The following ALPP variants were observed in gnomAD, a reference collection of about 807,000 sequenced individuals.
The protein encoded by ALPP is alkaline phosphatase, placental.
A neutral mutation model predicts 50.7 loss-of-function variants in ALPP; 39 were observed. The observed-to-expected ratio is 0.77, with a 90% CI of 0.60 to 1.00. The LOEUF (loss-of-function observed/expected upper bound fraction) is 1.00. Among genes scored for constraint, ALPP ranks in the 50% least tolerant of loss-of-function variants. The pLI is 0.00. For synonymous variants in ALPP, 226 were observed against 320.3 expected (o/e 0.71, Z 3.14); for missense variants, 550 against 746.8 (o/e 0.74, Z 3.07).
chr2:232,379,273 A>G lies in ALPP; in HGVS notation c.267A>G (p.Ile89Met), dbSNP rs202021009. Residue 89 changes from isoleucine (I) to methionine (M), a missense_variant, in exon 3 of 11, where the codon ATA (isoleucine) becomes ATG (methionine). By Grantham distance (10) the Ile-to-Met change is conservative (BLOSUM62 1). Coordinates refer to ENST00000392027, the MANE Select transcript of ALPP (RefSeq NM_001632.5). ...GQKKDKLGPE[I>M]PLAMDRFPYV... ...AGAAGGACAAACTGGGGCCTGAGAT[A>G]CCCCTGGCCATGGACCGCTTCCCAT... 1.8e-5 allele frequency: 29 copies of G among 1,613,778 alleles called. No homozygotes were observed. The highest frequency in any genetic ancestry group is 4.2e-6 in the Non-Finnish European group (5 of 1,180,004).
In ALPP at chr2:232,378,894, G is replaced by A. The variant is rs570495003; in HGVS notation, c.76+16G>A. On this transcript the variant is annotated intron_variant, in intron 1 of 10. Transcript: ENST00000392027. ...ATCATCCCAGGTAATGAGGCTCCCC[G>A]AGCTGCCCCTACACAACACACACAC... 3.2e-5 allele frequency: 52 copies of A among 1,612,444 alleles called. 1 individual carries two copies. The highest frequency in any genetic ancestry group is 5.0e-5 in the Admixed American group (3 of 59,942).
chr2:232,379,463 G>C, intron 3 of ALPP, 50 bp from the exon 4 acceptor site: 2 of 1,609,656 alleles, frequency 1.2e-6, no homozygotes, highest in Non-Finnish European at 1.7e-6. Context: ...ATCAGGGTCT[G>C]GGTCTCCGTG....
At chr2:232,379,961 G>A (rs368860764) in intron 5 of ALPP, 25 bp downstream of exon 5, 2 of 1,589,542 alleles carry the variant, frequency 1.3e-6, no homozygotes, top group Non-Finnish European at 1.7e-6. Context: ...CCAAGGGCTG[G>A]GGCTGGGCAG....
rs1049005 is a variant in ALPP at position 232,381,942 on chromosome 2, G to A, written c.*147G>A. 3.1e-5 allele frequency: 40 copies of A among 1,294,332 alleles called. No homozygotes were observed. Among genetic ancestry groups the A allele is most frequent in the Admixed American group, 8.0e-5 (3 of 37,554 alleles). The allele number at this position is 1,294,332 out of a possible 1,614,324, so 80.2% of individuals were successfully genotyped here. A position where few individuals can be genotyped will look rare whatever the true frequency, so the allele number is the denominator to read the frequency against. ...CCATGGAACCTTCCCCTCCCCGTGCGCTCTGGGGACTGAGCCCATGACACC... is the reference window on the plus strand; with the variant it reads ...CCATGGAACCTTCCCCTCCCCGTGCACTCTGGGGACTGAGCCCATGACACC... On this transcript the variant is annotated 3_prime_UTR_variant, in exon 11 of 11. Coordinates refer to ENST00000392027, the MANE Select transcript of ALPP (RefSeq NM_001632.5).
chr2:232,381,905 A>C lies in ALPP; in HGVS notation c.*110A>C. Reference sequence around the variant, plus strand: ...GAGTCGTCATCCCCGGAGTCCCTATACAGAGGTCCTGCCATGGAACCTTCC... The same window carrying C: ...GAGTCGTCATCCCCGGAGTCCCTATCCAGAGGTCCTGCCATGGAACCTTCC... On this transcript the variant is annotated 3_prime_UTR_variant, in exon 11 of 11. Coordinates refer to ENST00000392027, the MANE Select transcript of ALPP (RefSeq NM_001632.5). 1 of 1,445,394 alleles carries C rather than the reference A, an allele frequency of 6.9e-7. No homozygotes were observed. Among genetic ancestry groups the C allele is most frequent in the Non-Finnish European group, 9.1e-7 (1 of 1,095,600 alleles). 89.5% of individuals were successfully genotyped at this position (1,445,394 alleles called of 1,614,324 possible). A position where few individuals can be genotyped will look rare whatever the true frequency, so the allele number is the denominator to read the frequency against.
intron 5 of ALPP, 82 bp downstream of exon 5, chr2:232,380,018 C>T: frequency 6.4e-7 from 1 of 1,561,992 alleles, no homozygotes; most frequent in African/African-American, 1.4e-5. Context: ...CAACCAAAAG[C>T]CTTATCTGGG....
At position 232,378,986 on chromosome 2, in the gene ALPP, C is replaced by T. The variant is rs752156250; in HGVS notation, c.92C>T (p.Pro31Leu). 152 of 1,613,994 alleles carry T rather than the reference C, an allele frequency of 9.4e-5. No homozygotes were observed. The highest frequency in any genetic ancestry group is 3.1e-4 in the South Asian group (28 of 91,066). ...CCCTGGCCAGTTGAGGAGGAGAACC[C>T]GGACTTCTGGAACCGCGAGGCAGCC... ...LGIIPVEEEN[P>L]DFWNREAAEA... The change falls in exon 2 of 11, where the codon CCG becomes CTG. Residue 31 changes from proline (P) to leucine (L), a missense_variant. Physicochemically the swap from Pro to Leu is moderately conservative, Grantham distance 98. Around this residue, in one of 5 missense-constraint regions of ALPP, gnomAD observed 376 missense variants for 388.5 expected, o/e 0.97. Transcript: ENST00000392027.
rs776177204 is a variant in ALPP, at chr2:232,379,465, G to A, written c.310-48G>A. The stretch of plus-strand genomic sequence containing the variant: ...CCAGAGGACAGAGATCAGGGTCTGG[G>A]TCTCCGTGTCTGCCCCAGAGAAGAG... On this transcript the variant is annotated intron_variant, in intron 3 of 10. Transcript: ENST00000392027. 19 of 1,610,210 alleles carry A rather than the reference G, an allele frequency of 1.2e-5. No homozygotes were observed. The Admixed American group carries it at 3.2e-4, about 27-fold the overall frequency.
Position 232,379,783 on chromosome 2 carries a change from A to G in ALPP, c.504A>G (p.Val168=), listed in dbSNP as rs367631776. 17 of 1,613,802 alleles carry G rather than the reference A, an allele frequency of 1.1e-5. No individual in the cohort carries two copies. In the African/African-American group the frequency reaches 1.7e-4, roughly 16 times the overall value. Residue 168 remains valine, a synonymous_variant, in exon 5 of 11, where the codon GTA becomes GTG. Coordinates refer to ENST00000392027, the MANE Select transcript of ALPP (RefSeq NM_001632.5). ...CCTTAGGGAAGTCAGTGGGAGTGGTAACCACCACACGAGTGCAGCACGCCT... is the reference window on the plus strand; with the variant it reads ...CCTTAGGGAAGTCAGTGGGAGTGGTGACCACCACACGAGTGCAGCACGCCT... ...AKKAGKSVGV[V]TTTRVQHASP...
At position 232,381,706 on chromosome 2, in the gene ALPP, G is replaced by A. The variant is rs1696718566; in HGVS notation, c.1519G>A (p.Ala507Thr). Residue 507 changes from alanine (A) to threonine (T), a missense_variant, in exon 11 of 11, where the codon GCC becomes ACC. Coordinates refer to ENST00000392027, the MANE Select transcript of ALPP (RefSeq NM_001632.5). ...GGCGCCCCCCGCCGGCACCACCGAC[G>A]CCGCGCACCCGGGGCGGTCCGTGGT... is the stretch of plus-strand genomic sequence containing the variant. ...DLAPPAGTTD[A>T]AHPGRSVVPA... 2 of 1,606,676 alleles carry A rather than the reference G, an allele frequency of 1.2e-6. No individual in the cohort carries two copies. Among genetic ancestry groups the A allele is most frequent in the Non-Finnish European group, 1.7e-6 (2 of 1,177,674 alleles).
In ALPP at chr2:232,378,870, T is replaced by C; in HGVS notation, c.68T>C (p.Ile23Thr). 1 of 1,613,850 alleles carries C rather than the reference T, an allele frequency of 6.2e-7. No individual in the cohort carries two copies. Among genetic ancestry groups the C allele is most frequent in the Non-Finnish European group, 8.5e-7 (1 of 1,179,980 alleles). The change falls in exon 1 of 11, where the codon ATC (isoleucine) becomes ACC (threonine). Residue 23 changes from isoleucine (I) to threonine (T), a missense_variant. Ile to Thr is a moderately conservative substitution (Grantham distance 89, BLOSUM62 -1). This residue lies in a region of ALPP where 376 missense variants were observed against 388.5 expected (regional missense o/e 0.97). Coordinates refer to ENST00000392027, the MANE Select transcript of ALPP (RefSeq NM_001632.5). ...CTGAGGCTACAGCTCTCCCTGGGCATCATCCCAGGTAATGAGGCTCCCCGA... is the reference window on the plus strand; with the variant it reads ...CTGAGGCTACAGCTCTCCCTGGGCACCATCCCAGGTAATGAGGCTCCCCGA... ...LGLRLQLSLGIIPVEEENPDF... is the reference protein window; with the variant it reads ...LGLRLQLSLGTIPVEEENPDF...
rs2106379973 is a variant in ALPP, at chr2:232,382,180, C to T, written c.*385C>T. 1 of 280,976 alleles carries T rather than the reference C, an allele frequency of 3.6e-6. No homozygotes were observed. Among genetic ancestry groups the T allele is most frequent in the Middle Eastern group, 1.1e-3 (1 of 870 alleles). The allele number at this position is 280,976 out of a possible 1,614,324, so 17.4% of individuals were successfully genotyped here. A position where few individuals can be genotyped will look rare whatever the true frequency, so the allele number is the denominator to read the frequency against. On this transcript the variant is annotated 3_prime_UTR_variant, in exon 11 of 11. Transcript: ENST00000392027. ...ATCTTTGCTTCAGTCCTTGAATCAC[C>T]TGTGGGACTTGAGGACTCGGGATCT...
rs1559237492 is a variant in ALPP at position 232,380,335 on chromosome 2, CG to C, written c.792+18del. ...CGAAGCGCCAGGTGATGGGGGCTGG[CG>C]GGTGCAGGGGGCACAGCAGGGGGAG... On this transcript the variant is annotated intron_variant, in intron 6 of 10. Coordinates refer to ENST00000392027, the MANE Select transcript of ALPP (RefSeq NM_001632.5). 3 of 1,590,208 alleles carry C rather than the reference CG, an allele frequency of 1.9e-6. No homozygotes were observed. Among genetic ancestry groups the C allele is most frequent in the African/African-American group, 1.4e-5 (1 of 70,998 alleles).
In ALPP at chr2:232,382,035, G is replaced by A; in HGVS notation, c.*240G>A. On this transcript the variant is annotated 3_prime_UTR_variant, in exon 11 of 11. Transcript: ENST00000392027. ...CAGGGACTGCAGGTTGTGCCCTGTGGCTGCCTGCACCCCAGGAAAGGAGGG... is the reference window on the plus strand; with the variant it reads ...CAGGGACTGCAGGTTGTGCCCTGTGACTGCCTGCACCCCAGGAAAGGAGGG... 1.5e-6 allele frequency: 1 copy of A among 687,642 alleles called. No homozygotes were observed. The highest frequency in any genetic ancestry group is 2.4e-6 in the Non-Finnish European group (1 of 422,060). 42.6% of individuals were successfully genotyped at this position (687,642 alleles called of 1,614,324 possible). A position where few individuals can be genotyped will look rare whatever the true frequency, so the allele number is the denominator to read the frequency against.
chr2:232,380,131 G>T (rs1190794844), intron 5 of ALPP, 55 bp from the exon 6 acceptor site: 54 of 1,612,566 alleles, frequency 3.3e-5, no homozygotes, highest in Non-Finnish European at 1.8e-5. Context: ...GCATGAGGAG[G>T]GGGCACGGGG....
At position 232,381,859 on chromosome 2, in the gene ALPP, G is replaced by A. The variant is rs1054838684; in HGVS notation, c.*64G>A. On this transcript the variant is annotated 3_prime_UTR_variant, in exon 11 of 11. Coordinates refer to ENST00000392027, the MANE Select transcript of ALPP (RefSeq NM_001632.5). ...GTTCTCCTGCTCCCCACCTCCTGTCGTCCTGCCTGGCCTCCAGCCCGAGTC... is the reference window on the plus strand; with the variant it reads ...GTTCTCCTGCTCCCCACCTCCTGTCATCCTGCCTGGCCTCCAGCCCGAGTC... The A allele has an allele frequency of 7.3e-6, 11 of 1,503,244 alleles. No homozygotes were observed. Among genetic ancestry groups the A allele is most frequent in the Admixed American group, 2.1e-5 (1 of 48,104 alleles). The allele number at this position is 1,503,244 out of a possible 1,614,324, so 93.1% of individuals were successfully genotyped here. A position where few individuals can be genotyped will look rare whatever the true frequency, so the allele number is the denominator to read the frequency against.
rs3207911 is a variant in ALPP, at chr2:232,382,308, C to T, written c.*513C>T. ...ATTTTGACACAGCCTTCGGCTGCCC[C>T]CCACTAAGCTAATTCCACACCCCTG... is the stretch of plus-strand genomic sequence containing the variant. On this transcript the variant is annotated 3_prime_UTR_variant, in exon 11 of 11. Coordinates refer to ENST00000392027, the MANE Select transcript of ALPP (RefSeq NM_001632.5). 14 of 174,830 alleles carry T rather than the reference C, an allele frequency of 8.0e-5. No homozygotes were observed. Among genetic ancestry groups the T allele is most frequent in the Admixed American group, 1.7e-4 (3 of 17,896 alleles). 10.8% of individuals were successfully genotyped at this position (174,830 alleles called of 1,614,324 possible). A position where few individuals can be genotyped will look rare whatever the true frequency, so the allele number is the denominator to read the frequency against.
At position 232,381,626 on chromosome 2, in the gene ALPP, T is replaced by C. The variant is rs369451083; in HGVS notation, c.1439T>C (p.Ile480Thr). The C allele has an allele frequency of 2.4e-5, 39 of 1,612,350 alleles. No homozygotes were observed. Among genetic ancestry groups the C allele is most frequent in the African/African-American group, 4.0e-5 (3 of 74,896 alleles). Residue 480 changes from isoleucine (I) to threonine (T), a missense_variant, in exon 11 of 11, where the codon ATA becomes ACA. By Grantham distance (89) the Ile-to-Thr change is moderately conservative. Around this residue, in one of 5 missense-constraint regions of ALPP, gnomAD observed 155 missense variants for 167.6 expected, o/e 0.92. Transcript: ENST00000392027. ...LVHGVQEQTF[I>T]AHVMAFAACL... The stretch of plus-strand genomic sequence containing the variant: ...CACGGCGTGCAGGAGCAGACCTTCA[T>C]AGCGCACGTCATGGCCTTCGCCGCC...
intron 10 of ALPP, 62 bp from the exon 11 acceptor site, chr2:232,381,435 G>T (rs1432492554): frequency 3.7e-6 from 6 of 1,612,208 alleles, no homozygotes; most frequent in East Asian, 2.2e-5. Flanking sequence ...GCGGGAAGGG[G>T]TCACCTCCTG....
Sources: allele counts gnomAD v4.1 joint callset, GRCh38; gene constraint gnomAD v4.1.1; regional missense constraint gnomAD v4.1.1; transcripts MANE v1.5; gene names NCBI Gene and HGNC (gene_info 2026-07-23, HGNC 2026-07-21).